Variants in SLIT3 observed in about 807,000 individuals in gnomAD.
SLIT3 encodes slit homolog 3 protein.
SLIT3 carries 68 observed loss-of-function variants against 184.0 expected under a neutral mutation model. The ratio of observed to expected loss-of-function variants is 0.37; its 90% CI spans 0.30 to 0.45. The LOEUF (loss-of-function observed/expected upper bound fraction) is 0.45, where lower values mean the gene tolerates loss of function less well. Ranked by LOEUF, SLIT3 falls within the 20% of genes least tolerant of loss-of-function variation. The probability of loss-of-function intolerance (pLI) is 1.00; values close to 1 mark genes in which losing one functional copy is unlikely to be tolerated. For missense variants in SLIT3, 1,707 were observed against 2,026.0 expected (o/e 0.84, Z 3.02); for synonymous variants, 831 against 828.6 (o/e 1.00, Z -0.05).
chr5:168,712,405 A>T, intron 23 of SLIT3, 51 bp from the exon 24 acceptor site: 2 of 1,554,542 alleles, frequency 1.3e-6, no homozygotes, highest in Non-Finnish European at 1.8e-6. Flanking sequence ...ATTTGAATTT[A>T]GCATATTCTC....
At chr5:168,904,715 T>C (rs1465149321) in intron 4 of SLIT3, among the ~76,000 whole-genome samples, 4 of 152,026 alleles carry the variant, frequency 2.6e-5, no homozygotes, top group Non-Finnish European at 5.9e-5. Context: ...TGTGTGCAAT[T>C]AGAGAAACCC....
At chr5:168,981,708 T>C (rs895452438) in intron 4 of SLIT3, among the ~76,000 whole-genome samples, 2 of 152,222 alleles carry the variant, frequency 1.3e-5, no homozygotes, top group Admixed American at 6.5e-5. Flanking sequence ...ACTCCATGTC[T>C]GAATTCTAAA....
intron 4 of SLIT3, among the ~76,000 whole-genome samples, chr5:169,106,338 G>C (rs897655732): frequency 6.6e-6 from 1 of 152,122 alleles, no homozygotes; most frequent in Non-Finnish European, 1.5e-5. Flanking sequence ...ACTAGTGCTG[G>C]GACTGTTAAA....
chr5:168,715,405 A>G (rs966821542), intron 23 of SLIT3, among the ~76,000 whole-genome samples: 2 of 152,136 alleles, frequency 1.3e-5, no homozygotes, highest in Admixed American at 1.3e-4. Flanking sequence ...TGGCCTCTGT[A>G]TGAACCTATG....
chr5:168,954,582 A>G (rs1762759667), intron 4 of SLIT3, among the ~76,000 whole-genome samples: 1 of 152,210 alleles, frequency 6.6e-6, no homozygotes, highest in Non-Finnish European at 1.5e-5. Context: ...TTACAAAAAT[A>G]TTTCCATTTT....
intron 4 of SLIT3, among the ~76,000 whole-genome samples, chr5:168,936,660 A>G (rs1422996458): frequency 1.3e-5 from 2 of 152,148 alleles, no homozygotes; most frequent in African/African-American, 4.8e-5. Context: ...CTGGAATAAC[A>G]AGCAGGGCAG....
intron 4 of SLIT3, among the ~76,000 whole-genome samples, chr5:169,071,217 C>A (rs1440175496): frequency 6.6e-6 from 1 of 152,118 alleles, no homozygotes; most frequent in African/African-American, 2.4e-5. Context: ...ACACTTAATC[C>A]CCCAGAAAGT....
chr5:169,140,094 C>T (rs1386125808), intron 4 of SLIT3, among the ~76,000 whole-genome samples: 1 of 151,750 alleles, frequency 6.6e-6, no homozygotes, highest in Non-Finnish European at 1.5e-5. Flanking sequence ...GAGCAAGAGT[C>T]CAGGGAATAC....
intron 3 of SLIT3, among the ~76,000 whole-genome samples, chr5:169,220,526 T>C (rs1252844443): frequency 2.6e-5 from 4 of 152,066 alleles, no homozygotes; most frequent in African/African-American, 4.8e-5. Flanking sequence ...GTATATGAGA[T>C]CACACACATA....
intron 3 of SLIT3, among the ~76,000 whole-genome samples, chr5:169,223,008 C>G (rs1193207988): frequency 6.6e-6 from 1 of 152,152 alleles, no homozygotes; most frequent in Non-Finnish European, 1.5e-5. Context: ...AAATTCCATG[C>G]CACAGTTCAA....
chr5:168,839,325 G>A (rs1758161609), intron 6 of SLIT3, among the ~76,000 whole-genome samples: 1 of 152,078 alleles, frequency 6.6e-6, no homozygotes, highest in African/African-American at 2.4e-5. Flanking sequence ...TTTCTTCTTG[G>A]ATGGGTCAGC....
At chr5:168,975,811 T>C (rs2113339871) in intron 4 of SLIT3, among the ~76,000 whole-genome samples, 1 of 152,244 alleles carries the variant, frequency 6.6e-6, no homozygotes, top group East Asian at 1.9e-4. Context: ...CTGTGCCCAA[T>C]CCCTACCTCC....
chr5:168,794,447 G>T (rs747118782), intron 10 of SLIT3, among the ~76,000 whole-genome samples: 1 of 152,200 alleles, frequency 6.6e-6, no homozygotes, highest in Non-Finnish European at 1.5e-5. Context: ...GCTCAAGGTC[G>T]TCATGGGATG....
intron 4 of SLIT3, among the ~76,000 whole-genome samples, chr5:168,943,259 A>G (rs1023908374): frequency 3.9e-5 from 6 of 152,328 alleles, no homozygotes; most frequent in Admixed American, 2.6e-4. Context: ...GAACAGCTCC[A>G]TGGTGTTGTC....
chr5:169,287,354 C>T (rs367950133), intron 1 of SLIT3, among the ~76,000 whole-genome samples: 2 of 152,194 alleles, frequency 1.3e-5, no homozygotes, highest in South Asian at 4.1e-4. Context: ...GTGCCTCTCC[C>T]CTCTGCTTCC....
chr5:168,878,513 T>G (rs978380068), intron 5 of SLIT3, among the ~76,000 whole-genome samples: 2 of 152,176 alleles, frequency 1.3e-5, no homozygotes, highest in Admixed American at 6.5e-5. Context: ...TTGTTCCTGT[T>G]TGCAGGCATG....
chr5:168,849,450 T>C (rs1581143392), intron 5 of SLIT3, among the ~76,000 whole-genome samples: 1 of 152,332 alleles, frequency 6.6e-6, no homozygotes, highest in Non-Finnish European at 1.5e-5. Context: ...AATCTATCCC[T>C]ACCAAATGTG....
intron 3 of SLIT3, among the ~76,000 whole-genome samples, chr5:169,236,044 G>A (rs371202765): frequency 2.6e-4 from 40 of 152,122 alleles, no homozygotes; most frequent in Middle Eastern, 3.4e-3. Flanking sequence ...TCTCCTAGAG[G>A]GCAGAGAACC....
At chr5:168,856,804 T>TGG (rs1330091597) in intron 5 of SLIT3, among the ~76,000 whole-genome samples, 1 of 138,204 alleles carries the variant, frequency 7.2e-6, no homozygotes, top group East Asian at 2.1e-4. Context: ...TGTGTGTGTG[T>TGG]GTGCGCGCGC....
Sources: allele counts gnomAD v4.1 joint callset (sites outside exome capture counted in the v4.1 genomes callset), GRCh38; gene constraint gnomAD v4.1.1; transcripts MANE v1.5; gene names NCBI Gene and HGNC (gene_info 2026-07-23, HGNC 2026-07-21).